The following THSD4 variants were observed in gnomAD, a reference collection of about 807,000 sequenced individuals.
THSD4 encodes the protein thrombospondin type 1 domain containing 4.
A neutral mutation model predicts 119.0 loss-of-function variants in THSD4; 69 were observed. That is an observed-to-expected ratio of 0.58 (90% CI 0.48 to 0.71). The LOEUF (loss-of-function observed/expected upper bound fraction) is 0.71, where lower values mean the gene tolerates loss of function less well. Among genes scored for constraint, THSD4 ranks in the 30% least tolerant of loss-of-function variants. The probability of loss-of-function intolerance (pLI) is 0.00; values close to 1 mark genes in which losing one functional copy is unlikely to be tolerated. For missense variants in THSD4, 1,393 were observed against 1,391.1 expected, an observed-to-expected ratio of 1.00 and a Z score of -0.02; for synonymous variants, 524 against 540.4, an observed-to-expected ratio of 0.97 and a Z score of 0.42.
chr15:71,563,455 G>A lies in THSD4; in HGVS notation c.1153-97075G>A, dbSNP rs142474979. Among the ~76,000 whole-genome samples, 648 of 152,266 alleles carry A rather than the reference G, an allele frequency of 4.3e-3. 9 individuals are homozygous for A. Among genetic ancestry groups the A allele is most frequent in the African/African-American group, 0.015 (618 of 41,538 alleles). ...CTAAGAACTACGTGTAAGCACTTCG[G>A]GATAGTCAGGTAAAGGCGGCCCTCT... On this transcript the variant is annotated intron_variant, in intron 7 of 17. Coordinates refer to ENST00000261862, the MANE Select transcript of THSD4 (RefSeq NM_024817.3).
rs906522520 is a variant in THSD4 at position 71,242,659 on chromosome 15, C to T, written c.475C>T (p.Arg159Cys). Reference sequence around the variant, plus strand: ...TCTATCTCTCTTTAGGAGCAGGACCCGTGGTACCATTGGCCCTGGCAAGTA... The same window carrying T: ...TCTATCTCTCTTTAGGAGCAGGACCTGTGGTACCATTGGCCCTGGCAAGTA... The part of the protein sequence containing the change: ...EVTGDRRSRT[R>C]GTIGPGKYGY... Residue 159 changes from arginine to cysteine, a missense_variant, in exon 5 of 18, where the codon CGT (arginine) becomes TGT (cysteine). By Grantham distance (180) the Arg-to-Cys change is radical. Coordinates refer to ENST00000261862, the MANE Select transcript of THSD4 (RefSeq NM_024817.3). The T allele has an allele frequency of 3.7e-6, 6 of 1,613,806 alleles. No individual in the cohort carries two copies. Among genetic ancestry groups the T allele is most frequent in the Admixed American group, 1.7e-5 (1 of 60,018 alleles).
rs1567146409 is a variant in THSD4 at position 71,773,221 on chromosome 15, AG to A, written c.2914+2014del. Among the ~76,000 whole-genome samples the A allele has an allele frequency of 6.0e-3, 794 of 132,838 alleles. 27 individuals are homozygous for A. Among genetic ancestry groups the A allele is most frequent in the African/African-American group, 0.026 (694 of 26,780 alleles). 87.1% of individuals were successfully genotyped at this position (132,838 alleles called of 152,430 possible). A position where few individuals can be genotyped will look rare whatever the true frequency, so the allele number is the denominator to read the frequency against. On this transcript the variant is annotated intron_variant, in intron 17 of 17. Coordinates refer to ENST00000261862, the MANE Select transcript of THSD4 (RefSeq NM_024817.3). ...GTCTCAAAAAAAAAAAAAAAGAAAA[AG>A]AAAAAAGAAAAGAAAAAAAAGTTAT... is the stretch of plus-strand genomic sequence containing the variant.
chr15:71,596,285 G>A (rs1053122049), intron 7 of THSD4, among the ~76,000 whole-genome samples: 1 of 152,180 alleles, frequency 6.6e-6, no homozygotes, highest in Non-Finnish European at 1.5e-5. Context: ...GGGTAGGAAC[G>A]CAGTCAGATT....
At chr15:71,469,689 G>A (rs1014270870) in intron 7 of THSD4, among the ~76,000 whole-genome samples, 4 of 152,102 alleles carry the variant, frequency 2.6e-5, no homozygotes, top group African/African-American at 9.7e-5. Context: ...GCCCTATTTC[G>A]GCAAGAAGGC....
At chr15:71,176,106 CATA>C (rs1412449388) in intron 3 of THSD4, among the ~76,000 whole-genome samples, 4 of 146,306 alleles carry the variant, frequency 2.7e-5, no homozygotes, top group Non-Finnish European at 6.0e-5. Context: ...CAGCTAACAT[CATA>C]ATGACAGGAT....
chr15:71,672,365 A>G, intron 8 of THSD4, among the ~76,000 whole-genome samples: 1 of 152,234 alleles, frequency 6.6e-6, no homozygotes, highest in East Asian at 1.9e-4. Context: ...GAAGTTGTTT[A>G]TCAGCTTAAG....
chr15:71,198,366 C>A (rs1165008271), intron 3 of THSD4, among the ~76,000 whole-genome samples: 1 of 152,264 alleles, frequency 6.6e-6, no homozygotes, highest in Non-Finnish European at 1.5e-5. Flanking sequence ...GCACAGAAGA[C>A]TGTGCTGCCC....
At position 71,702,943 on chromosome 15, in the gene THSD4, G is replaced by C. The variant is rs566967766; in HGVS notation, c.1358-25606G>C. On this transcript the variant is annotated intron_variant, in intron 8 of 17. Transcript: ENST00000261862. ...CTCAAAAAAGAGTTTGAGTGAATGA[G>C]CAAATCTGACACCTAGTTTTGAAAG... Among the ~76,000 whole-genome samples, 3 of 151,334 alleles carry C rather than the reference G, an allele frequency of 2.0e-5. No homozygotes were observed. The South Asian group carries it at 6.3e-4, about 32-fold the overall frequency.
rs1444335766 is a variant in THSD4, at chr15:71,372,559, G to A, written c.1016-39128G>A. ...TGGATGTCCACTGCAGACCCTGTTT[G>A]CCTGGGTATCAGCAGTGGAGGCTGC... is the stretch of plus-strand genomic sequence containing the variant. On this transcript the variant is annotated intron_variant, in intron 6 of 17. Coordinates refer to ENST00000261862, the MANE Select transcript of THSD4 (RefSeq NM_024817.3). Among the ~76,000 whole-genome samples, 5 of 152,360 alleles carry A rather than the reference G, an allele frequency of 3.3e-5. No homozygotes were observed. In the East Asian group the frequency reaches 9.6e-4, roughly 29 times the overall value.
At chr15:71,165,562 C>A in intron 3 of THSD4, 1 of 646,698 alleles carries the variant, frequency 1.5e-6, no homozygotes, top group African/African-American at 1.8e-5. Context: ...TAGCAAGAGC[C>A]TTTTTCCTGT....
rs751062889 is a variant in THSD4, at chr15:71,630,518, G to A, written c.1153-30012G>A. 1.4e-4 allele frequency among the ~76,000 whole-genome samples: 22 copies of A among 152,212 alleles called. 1 individual carries two copies. The highest frequency in any genetic ancestry group is 3.2e-3 in the Middle Eastern group (1 of 316). On this transcript the variant is annotated intron_variant, in intron 7 of 17. Transcript: ENST00000261862. ...AGGTGTGAGTGCTCTGAGCATGACT[G>A]TGCAATAGAATACAAAGCACAGTTC... is the stretch of plus-strand genomic sequence containing the variant.
chr15:71,409,156 C>CG (rs1491351436), intron 6 of THSD4, among the ~76,000 whole-genome samples: 1 of 64,072 alleles, frequency 1.6e-5, no homozygotes, highest in Non-Finnish European at 3.4e-5. Context: ...TTTTTTTTTT[C>CG]CCCCCCCCTC....
chr15:71,558,146 G>C (rs1203005189), intron 7 of THSD4, among the ~76,000 whole-genome samples: 1 of 152,104 alleles, frequency 6.6e-6, no homozygotes, highest in Non-Finnish European at 1.5e-5. Context: ...TGGCCAACAT[G>C]GTAAAACCCC....
intron 3 of THSD4, among the ~76,000 whole-genome samples, chr15:71,158,937 A>G (rs1270123421): frequency 6.6e-6 from 1 of 152,002 alleles, no homozygotes; most frequent in Non-Finnish European, 1.5e-5. Flanking sequence ...ATAAAACCTT[A>G]TGTTTTGTTT....
chr15:71,649,477 A>G (rs1047906016), intron 7 of THSD4, among the ~76,000 whole-genome samples: 3 of 152,036 alleles, frequency 2.0e-5, no homozygotes, highest in African/African-American at 7.2e-5. Context: ...GGGTTTCACC[A>G]TGTTGGCCAG....
chr15:71,118,902 G>T (rs1012107570), intron 1 of THSD4, among the ~76,000 whole-genome samples: 1 of 152,150 alleles, frequency 6.6e-6, no homozygotes, highest in Non-Finnish European at 1.5e-5. Context: ...CTCCTCCTCC[G>T]CAGGACCGCT....
In THSD4 at chr15:71,535,436, G is replaced by A. The variant is rs765909884; in HGVS notation, c.1152+123613G>A. ...CGGGGGTTGGGCTATCATGAATAAT[G>A]CTGCTACGAACATGTGGACATATGT... On this transcript the variant is annotated intron_variant, in intron 7 of 17. Coordinates refer to ENST00000261862, the MANE Select transcript of THSD4 (RefSeq NM_024817.3). 1.1e-4 allele frequency among the ~76,000 whole-genome samples: 17 copies of A among 152,140 alleles called. 1 individual carries two copies. The highest frequency in any genetic ancestry group is 4.1e-4 in the South Asian group (2 of 4,824).
At chr15:71,500,203 G>T (rs1247087406) in intron 7 of THSD4, among the ~76,000 whole-genome samples, 1 of 151,758 alleles carries the variant, frequency 6.6e-6, no homozygotes, top group Non-Finnish European at 1.5e-5. Flanking sequence ...ATATTTCATT[G>T]TGGTTTTGAT....
chr15:71,438,958 G>A (rs530546154), intron 7 of THSD4, among the ~76,000 whole-genome samples: 1 of 152,230 alleles, frequency 6.6e-6, no homozygotes, highest in Admixed American at 6.5e-5. Flanking sequence ...GAGCAGAATG[G>A]CAGGAGTTAC....
Sources: gnomAD v4.1 joint callset for allele counts (sites outside exome capture counted in the v4.1 genomes callset) on GRCh38, gnomAD v4.1.1 for gene constraint, MANE v1.5 for transcripts, NCBI Gene and HGNC (gene_info 2026-07-23, HGNC 2026-07-21) for gene names.